ZNF530: variants seen among roughly 807,000 people sequenced by gnomAD.
The protein encoded by ZNF530 is zinc finger protein 530.
Under a neutral mutation model 2.8 loss-of-function variants are expected in ZNF530, and 5 were observed. That is an observed-to-expected ratio of 1.80 (90% confidence interval 0.94 to 3.78). The LOEUF (loss-of-function observed/expected upper bound fraction) is 3.78, where lower values mean the gene tolerates loss of function less well. Ranked by LOEUF, ZNF530 falls within the 30% of genes most tolerant of loss-of-function variation. The pLI, the probability that ZNF530 is intolerant of heterozygous loss-of-function variation, is 0.00. For synonymous variants in ZNF530, 229 were observed against 235.0 expected (o/e 0.97, Z 0.23); for missense variants, 619 against 673.3 (o/e 0.92, Z 0.89).
rs565363226 is a variant in ZNF530, at chr19:57,600,547, C to T, written c.-121-181C>T. Reference sequence around the variant, plus strand: ...CTGGAAGGGCAGTGATGATAGCAGGCATGGAGGGACCTAGTCTTTTTACGA... The same window carrying T: ...CTGGAAGGGCAGTGATGATAGCAGGTATGGAGGGACCTAGTCTTTTTACGA... On this transcript the variant is annotated intron_variant, in intron 1 of 3. Transcript: ENST00000597700. 1.3e-4 allele frequency among the ~76,000 whole-genome samples: 20 copies of T among 152,320 alleles called. No individual in the cohort carries two copies. In the South Asian group the frequency reaches 4.1e-3, roughly 32 times the overall value.
chr19:57,607,221 A>G lies in ZNF530; in HGVS notation c.1597A>G (p.Lys533Glu). The part of the protein sequence containing the change: ...FTRKNHLIQH[K>E]TVHTGERPYE... ...CCGCAAAAATCACCTCATTCAACAC[A>G]AGACAGTTCACACTGGAGAAAGGCC... is the stretch of plus-strand genomic sequence containing the variant. Residue 533 changes from lysine to glutamate, a missense_variant, in exon 4 of 4, where the codon AAG becomes GAG. Lys to Glu is a moderately conservative substitution (Grantham distance 56). Coordinates refer to ENST00000597700, the MANE Select transcript of ZNF530 (RefSeq NM_001321981.2). 1.2e-6 allele frequency: 2 copies of G among 1,606,262 alleles called. No individual in the cohort carries two copies. The highest frequency in any genetic ancestry group is 1.7e-6 in the Non-Finnish European group (2 of 1,176,874).
At chr19:57,604,230 G>C in intron 2 of ZNF530, 47 bp from the exon 3 acceptor site, 3 of 1,612,072 alleles carry the variant, frequency 1.9e-6, no homozygotes, top group Non-Finnish European at 2.5e-6. Context: ...ATCAACTTGG[G>C]GTCCTAGGAA....
At position 57,607,042 on chromosome 19, in the gene ZNF530, T is replaced by G. The variant is rs1173659633; in HGVS notation, c.1418T>G (p.Leu473Arg). ...AAATCTTTTATCCGAAAAACCCACC[T>G]CATTCGACACCAGACTGTTCACACT... ...CGKSFIRKTH[L>R]IRHQTVHTNE... The change falls in exon 4 of 4, where the codon CTC (leucine) becomes CGC (arginine). Residue 473 changes from leucine to arginine, a missense_variant. Coordinates refer to ENST00000597700, the MANE Select transcript of ZNF530 (RefSeq NM_001321981.2). 1 of 1,613,250 alleles carries G rather than the reference T, an allele frequency of 6.2e-7. No individual in the cohort carries two copies. The highest frequency in any genetic ancestry group is 1.3e-5 in the African/African-American group (1 of 75,006).
chr19:57,611,621 CAG>C (rs925312019), downstream of ZNF530, among the ~76,000 whole-genome samples: 9 of 152,146 alleles, frequency 5.9e-5, no homozygotes, highest in African/African-American at 1.7e-4. Flanking sequence ...GAAACCTTAT[CAG>C]GGGTTGTGGT....
chr19:57,611,484 G>A (rs892992472), downstream of ZNF530, among the ~76,000 whole-genome samples: 4 of 152,132 alleles, frequency 2.6e-5, no homozygotes, highest in South Asian at 2.1e-4. Flanking sequence ...GGGGCCGCAT[G>A]CAGTTTGTTT....
At chr19:57,611,517 T>C (rs1197626236), downstream of ZNF530, among the ~76,000 whole-genome samples, 2 of 152,162 alleles carry the variant, frequency 1.3e-5, no homozygotes, top group African/African-American at 4.8e-5. Flanking sequence ...CATATACTCA[T>C]TTGGGGTGAT....
Position 57,607,096 on chromosome 19 carries a change from G to T in ZNF530, c.1472G>T (p.Cys491Phe). 1 of 1,613,972 alleles carries T rather than the reference G, an allele frequency of 6.2e-7. No individual in the cohort carries two copies. The highest frequency in any genetic ancestry group is 8.5e-7 in the Non-Finnish European group (1 of 1,179,980). The change falls in exon 4 of 4, where the codon TGT becomes TTT. Residue 491 changes from cysteine to phenylalanine, a missense_variant. Coordinates refer to ENST00000597700, the MANE Select transcript of ZNF530 (RefSeq NM_001321981.2). The stretch of plus-strand genomic sequence containing the variant: ...GAAAGGCCTTATGAGTGCGATGAAT[G>T]TGGGAAATCCTATAGCCAAAGCTCT... The part of the protein sequence containing the change: ...TNERPYECDE[C>F]GKSYSQSSAL...
In ZNF530 at chr19:57,607,792, G is replaced by A. The variant is rs1005326233; in HGVS notation, c.*467G>A. The A allele has an allele frequency of 1.2e-5, 2 of 168,432 alleles. No homozygotes were observed. Among genetic ancestry groups the A allele is most frequent in the African/African-American group, 4.8e-5 (2 of 41,544 alleles). The allele number at this position is 168,432 out of a possible 1,614,324, so 10.4% of individuals were successfully genotyped here. A position where few individuals can be genotyped will look rare whatever the true frequency, so the allele number is the denominator to read the frequency against. On this transcript the variant is annotated 3_prime_UTR_variant, in exon 4 of 4. Coordinates refer to ENST00000597700, the MANE Select transcript of ZNF530 (RefSeq NM_001321981.2). ...AAGAGCCTTCTCTGATGTGACTCAT[G>A]TATCCAAACATCCATGGATTTCCCA...
Position 57,606,185 on chromosome 19 carries a change from T to C in ZNF530, c.561T>C (p.Phe187=). ...PLKYTESRKS[F]REKSVFIQHQ... ...AATACACTGAATCCAGGAAATCTTT[T>C]AGAGAGAAATCTGTATTCATTCAAC... The change falls in exon 4 of 4, where the codon TTT becomes TTC. Residue 187 remains phenylalanine, a synonymous_variant. Transcript: ENST00000597700. 1 of 1,614,242 alleles carries C rather than the reference T, an allele frequency of 6.2e-7. No individual in the cohort carries two copies. Among genetic ancestry groups the C allele is most frequent in the Non-Finnish European group, 8.5e-7 (1 of 1,180,042 alleles).
downstream of ZNF530, among the ~76,000 whole-genome samples, chr19:57,610,780 C>G (rs915900684): frequency 6.6e-6 from 1 of 152,066 alleles, no homozygotes; most frequent in Non-Finnish European, 1.5e-5. Flanking sequence ...ATCAGTAGCC[C>G]CCAAATTCAT....
At chr19:57,605,388 C>A in intron 3 of ZNF530, 1 of 277,804 alleles carries the variant, frequency 3.6e-6, no homozygotes, top group Non-Finnish European at 6.8e-6. Context: ...CAATAATCTT[C>A]TGTGCAGTGT....
At position 57,608,353 on chromosome 19, in the gene ZNF530, G is replaced by A. The variant is rs1387014448; in HGVS notation, c.*1028G>A. On this transcript the variant is annotated 3_prime_UTR_variant, in exon 4 of 4. Transcript: ENST00000597700. ...CAGCTTAAAAGGGTATATAACATTTGTGGGGATTCAAATTTTGTTTGCCTC... is the reference window on the plus strand; with the variant it reads ...CAGCTTAAAAGGGTATATAACATTTATGGGGATTCAAATTTTGTTTGCCTC... 1 of 152,164 alleles carries A rather than the reference G, an allele frequency of 6.6e-6. No individual in the cohort carries two copies. Among genetic ancestry groups the A allele is most frequent in the Non-Finnish European group, 1.5e-5 (1 of 68,040 alleles). 9.4% of individuals were successfully genotyped at this position (152,164 alleles called of 1,614,324 possible).
In ZNF530 at chr19:57,607,439, G is replaced by T. The variant is rs1980646162; in HGVS notation, c.*114G>T. 5 of 1,055,818 alleles carry T rather than the reference G, an allele frequency of 4.7e-6. No individual in the cohort carries two copies. Among genetic ancestry groups the T allele is most frequent in the African/African-American group, 3.2e-5 (2 of 62,212 alleles). The allele number at this position is 1,055,818 out of a possible 1,614,324, so 65.4% of individuals were successfully genotyped here. On this transcript the variant is annotated 3_prime_UTR_variant, in exon 4 of 4. Coordinates refer to ENST00000597700, the MANE Select transcript of ZNF530 (RefSeq NM_001321981.2). ...AGCTCACTGCAACCTCCGCCTCCTGGGATCAAGTGATTCTCCTGCCACAGC... is the reference window on the plus strand; with the variant it reads ...AGCTCACTGCAACCTCCGCCTCCTGTGATCAAGTGATTCTCCTGCCACAGC...
chr19:57,600,668 C>T (rs926477351), intron 1 of ZNF530, 60 bp from the exon 2 acceptor site: 1 of 153,246 alleles, frequency 6.5e-6, no homozygotes, highest in East Asian at 1.9e-4. Context: ...ACATTGGAAC[C>T]AGAAGTCCAT....
chr19:57,609,849 T>G lies in ZNF530; in HGVS notation c.*2524T>G, dbSNP rs1980800855. The stretch of plus-strand genomic sequence containing the variant: ...GAAGTCAAGAGAGATTCGGTTGTCC[T>G]TGGTGCGGCTTTTGTGATCCAGTAG... On this transcript the variant is annotated 3_prime_UTR_variant, in exon 4 of 4. Coordinates refer to ENST00000597700, the MANE Select transcript of ZNF530 (RefSeq NM_001321981.2). 6.6e-6 allele frequency among the ~76,000 whole-genome samples: 1 copy of G among 152,108 alleles called. No homozygotes were observed. Among genetic ancestry groups the G allele is most frequent in the African/African-American group, 2.4e-5 (1 of 41,428 alleles).
rs1389512586 is a variant in ZNF530 at position 57,607,028 on chromosome 19, C to T, written c.1404C>T (p.Ile468=). ...GCAGTGTATGTGGGAAATCTTTTATCCGAAAAACCCACCTCATTCGACACC... is the reference window on the plus strand; with the variant it reads ...GCAGTGTATGTGGGAAATCTTTTATTCGAAAAACCCACCTCATTCGACACC... The part of the protein sequence containing the change: ...YECSVCGKSF[I]RKTHLIRHQT... The change falls in exon 4 of 4, where the codon ATC becomes ATT. Residue 468 remains isoleucine (I), a synonymous_variant. Transcript: ENST00000597700. 1 of 1,613,132 alleles carries T rather than the reference C, an allele frequency of 6.2e-7. No homozygotes were observed. Among genetic ancestry groups the T allele is most frequent in the East Asian group, 2.2e-5 (1 of 44,862 alleles).
chr19:57,607,569 T>G lies in ZNF530; in HGVS notation c.*244T>G. 4.4e-6 allele frequency: 2 copies of G among 453,498 alleles called. No individual in the cohort carries two copies. The allele number at this position is 453,498 out of a possible 1,614,324, so 28.1% of individuals were successfully genotyped here. On this transcript the variant is annotated 3_prime_UTR_variant, in exon 4 of 4. Coordinates refer to ENST00000597700, the MANE Select transcript of ZNF530 (RefSeq NM_001321981.2). ...CATGTTGGTCAGGCTGGTGTTGAAC[T>G]CCTGACCTCAGGTAATCCACCTGCT...
rs1411536194 is a variant in ZNF530, at chr19:57,605,807, G to T, written c.183G>T (p.Glu61Asp). 6.2e-7 allele frequency: 1 copy of T among 1,614,078 alleles called. No individual in the cohort carries two copies. Among genetic ancestry groups the T allele is most frequent in the African/African-American group, 1.3e-5 (1 of 74,912 alleles). Residue 61 changes from glutamate to aspartate, a missense_variant, in exon 4 of 4, where the codon GAG (glutamate) becomes GAT (aspartate). Coordinates refer to ENST00000597700, the MANE Select transcript of ZNF530 (RefSeq NM_001321981.2). Reference sequence around the variant, plus strand: ...CCACTGATAAGAGTCACCCCTGTGAGATTTGTACCCCAGTCCTGAGAGACA... The same window carrying T: ...CCACTGATAAGAGTCACCCCTGTGATATTTGTACCCCAGTCCTGAGAGACA... The part of the protein sequence containing the change: ...DTSTDKSHPC[E>D]ICTPVLRDIL...
Position 57,606,296 on chromosome 19 carries a change from C to T in ZNF530, c.672C>T (p.His224=). The change falls in exon 4 of 4, where the codon CAC becomes CAT. Residue 224 remains histidine, a synonymous_variant. Transcript: ENST00000597700. ...SFSQSSGFLR[H]RKAHGRTRTH... ...GTCAAAGTTCTGGCTTTCTTCGACA[C>T]AGGAAAGCACACGGTAGAACAAGGA... 1 of 1,614,004 alleles carries T rather than the reference C, an allele frequency of 6.2e-7. No homozygotes were observed. Among genetic ancestry groups the T allele is most frequent in the Non-Finnish European group, 8.5e-7 (1 of 1,180,014 alleles).
Sources: allele counts gnomAD v4.1 joint callset (sites outside exome capture counted in the v4.1 genomes callset), GRCh38; gene constraint gnomAD v4.1.1; transcripts MANE v1.5; gene names NCBI Gene and HGNC (gene_info 2026-07-23, HGNC 2026-07-21).